The following HLA-G variants were observed in gnomAD, a reference collection of about 807,000 sequenced individuals.
HLA-G encodes major histocompatibility complex, class I, G, also known as HLA class I histocompatibility antigen, alpha chain G.
In HLA-G, 34 loss-of-function variants were observed where a neutral mutation model predicts 39.3. That is an observed-to-expected ratio of 0.86 (90% CI 0.66 to 1.15). HLA-G has a LOEUF of 1.15. HLA-G is among the 50% of genes most tolerant of loss of function. The pLI, the probability that HLA-G is intolerant of heterozygous loss-of-function variation, is 0.00. For synonymous variants in HLA-G, 183 were observed against 185.8 expected (o/e 0.99, Z 0.12); for missense variants, 419 against 456.4 (o/e 0.92, Z 0.75).
Position 29,829,902 on chromosome 6 carries a change from G to T in HLA-G, c.982G>T (p.Ala328Ser). 1 of 1,613,700 alleles carries T rather than the reference G, an allele frequency of 6.2e-7. No individual in the cohort carries two copies. The highest frequency in any genetic ancestry group is 8.5e-7 in the Non-Finnish European group (1 of 1,179,708). ...LAAVVTGAAV[A>S]AVLWRKKSSD ...AGCTGTAGTCACTGGAGCTGCGGTC[G>T]CTGCTGTGCTGTGGAGAAAGAAGAG... The change falls in exon 5 of 7, where the codon GCT becomes TCT. Residue 328 changes from alanine (A) to serine (S), a missense_variant. Coordinates refer to ENST00000360323, the MANE Select transcript of HLA-G (RefSeq NM_001384290.1).
chr6:29,827,386 T>G (rs1479634520), upstream of HLA-G: 2 of 352,732 alleles, frequency 5.7e-6, no homozygotes, highest in African/African-American at 4.3e-5. Flanking sequence ...ATTTTTCTTC[T>G]AGAAGAGTAC....
chr6:29,828,951 C>T (rs1412930711), intron 3 of HLA-G, 133 bp downstream of exon 3: 5 of 1,221,182 alleles, frequency 4.1e-6, no homozygotes, highest in Non-Finnish European at 5.9e-6. Context: ...AGGAATCCTC[C>T]TGGGTTTCCA....
At position 29,828,081 on chromosome 6, in the gene HLA-G, G is replaced by T. The variant is rs557839953; in HGVS notation, c.108G>T (p.Val36=). 33 of 1,612,080 alleles carry T rather than the reference G, an allele frequency of 2.0e-5. No homozygotes were observed. Among genetic ancestry groups the T allele is most frequent in the Non-Finnish European group, 2.6e-5 (31 of 1,179,614 alleles). Residue 36 remains valine, a synonymous_variant, in exon 2 of 7, where the codon GTG becomes GTT. Transcript: ENST00000360323. ...SHSMRYFSAA[V]SRPGRGEPRF... is the part of the protein sequence containing the mutation. ...CCATGAGGTATTTCAGCGCCGCCGT[G>T]TCCCGGCCCGGCCGCGGGGAGCCCC...
At position 29,829,672 on chromosome 6, in the gene HLA-G, G is replaced by A. The variant is rs1761093934; in HGVS notation, c.874G>A (p.Glu292Lys). ...CCATGTGCAGCATGAGGGGCTGCCG[G>A]AGCCCCTCATGCTGAGATGGAGTAA... ...TCHVQHEGLPEPLMLRWKQSS... is the reference protein window; with the variant it reads ...TCHVQHEGLPKPLMLRWKQSS... The change falls in exon 4 of 7, where the codon GAG (glutamate) becomes AAG (lysine). Residue 292 changes from glutamate (E) to lysine (K), a missense_variant. Coordinates refer to ENST00000360323, the MANE Select transcript of HLA-G (RefSeq NM_001384290.1). 15 of 1,613,066 alleles carry A rather than the reference G, an allele frequency of 9.3e-6. No homozygotes were observed. Among genetic ancestry groups the A allele is most frequent in the Non-Finnish European group, 1.3e-5 (15 of 1,179,508 alleles).
upstream of HLA-G, chr6:29,827,464 G>T (rs1480982810): frequency 5.6e-6 from 2 of 359,918 alleles, no homozygotes. Context: ...GATGAAAAGT[G>T]AAGGGAGAGG....
At chr6:29,827,635 G>T, upstream of HLA-G, 2 of 623,428 alleles carry the variant, frequency 3.2e-6, no homozygotes, top group Non-Finnish European at 5.9e-6. Context: ...CCCCACAGGC[G>T]GTGTATGGGT....
chr6:29,830,487 C>A, intron 6 of HLA-G, 77 bp downstream of exon 6: 1 of 1,242,658 alleles, frequency 8.0e-7, no homozygotes, highest in Non-Finnish European at 1.2e-6. Context: ...TCACCCACCC[C>A]ACAATTCCTC....
upstream of HLA-G, chr6:29,827,787 G>A (rs1168974003): frequency 2.6e-6 from 4 of 1,540,020 alleles, no homozygotes; most frequent in Admixed American, 5.0e-5. Flanking sequence ...CGTCGCCGCG[G>A]TCCTGGTTCT....
At chr6:29,827,446 G>A (rs866544668), upstream of HLA-G, 389 of 355,620 alleles carry the variant, frequency 1.1e-3, 5 homozygotes, top group Middle Eastern at 1.9e-3. Context: ...CAGGGACAGG[G>A]ATTCCGGGAT....
At position 29,828,644 on chromosome 6, in the gene HLA-G, G is replaced by A. The variant is rs536613482; in HGVS notation, c.445G>A (p.Ala149Thr). The part of the protein sequence containing the change: ...QYAYDGKDYL[A>T]LNEDLRSWTA... The stretch of plus-strand genomic sequence containing the variant: ...TGCCTACGATGGCAAGGATTACCTC[G>A]CCCTGAACGAGGACCTGCGCTCCTG... The change falls in exon 3 of 7, where the codon GCC becomes ACC. Residue 149 changes from alanine (A) to threonine (T), a missense_variant. By Grantham distance (58) the Ala-to-Thr change is moderately conservative. This residue lies in a region of HLA-G where 328 missense variants were observed against 323.0 expected (regional missense o/e 1.02). Transcript: ENST00000360323. 1.2e-6 allele frequency: 2 copies of A among 1,613,098 alleles called. No individual in the cohort carries two copies. Among genetic ancestry groups the A allele is most frequent in the East Asian group, 2.2e-5 (1 of 44,878 alleles).
upstream of HLA-G, chr6:29,827,114 T>C (rs1338746739): frequency 4.2e-6 from 2 of 481,002 alleles, no homozygotes; most frequent in South Asian, 1.5e-5. Flanking sequence ...AAGAGCTTTG[T>C]GAGTCGTGTT....
chr6:29,829,936 A>G lies in HLA-G; in HGVS notation c.1012+4A>G, dbSNP rs1761127540. On this transcript the variant is annotated splice_donor_region_variant and intron_variant, in intron 5 of 6. Transcript: ENST00000360323. ...CTGTGGAGAAAGAAGAGCTCAGGTA[A>G]GGAAGGGGTGACAAGTGGGGTCTGA... The G allele has an allele frequency of 6.3e-7, 1 of 1,597,110 alleles. No individual in the cohort carries two copies. Among genetic ancestry groups the G allele is most frequent in the East Asian group, 2.2e-5 (1 of 44,794 alleles).
chr6:29,828,488 G>T (rs17875401), intron 2 of HLA-G, 55 bp from the exon 3 acceptor site: 63,096 of 1,583,274 alleles, frequency 0.04, 1,717 homozygotes, highest in African/African-American at 0.1. Context: ...CCCGCGGGTG[G>T]GTCCGGGCGA....
Position 29,828,036 on chromosome 6 carries a change from C to T in HLA-G, c.74-11C>T. 3 of 1,609,198 alleles carry T rather than the reference C, an allele frequency of 1.9e-6. No homozygotes were observed. The highest frequency in any genetic ancestry group is 3.3e-5 in the Admixed American group (2 of 59,848). ...AGGGTCGGGCGGGTCTCAACCCCTC[C>T]TCGCCCCCAGGCTCCCACTCCATGA... On this transcript the variant is annotated splice_polypyrimidine_tract_variant and intron_variant, in intron 1 of 6. Coordinates refer to ENST00000360323, the MANE Select transcript of HLA-G (RefSeq NM_001384290.1).
At chr6:29,830,670 T>C (rs1210167615) in intron 6 of HLA-G, 98 bp from the exon 7 acceptor site, 1 of 647,088 alleles carries the variant, frequency 1.5e-6, no homozygotes, top group African/African-American at 1.8e-5. Context: ...TGCTATGAGG[T>C]TTCTTTGACT....
Position 29,829,675 on chromosome 6 carries a change from C to T in HLA-G, c.877C>T (p.Pro293Ser), listed in dbSNP as rs1379239345. The T allele has an allele frequency of 1.2e-6, 2 of 1,613,014 alleles. No homozygotes were observed. The highest frequency in any genetic ancestry group is 1.7e-5 in the Admixed American group (1 of 59,654). Residue 293 changes from proline (P) to serine (S), a missense_variant, in exon 4 of 7, where the codon CCC becomes TCC. Around this residue, in one of 2 missense-constraint regions of HLA-G, gnomAD observed 328 missense variants for 323.0 expected, o/e 1.02. Transcript: ENST00000360323. Reference sequence around the variant, plus strand: ...TGTGCAGCATGAGGGGCTGCCGGAGCCCCTCATGCTGAGATGGAGTAAGGA... The same window carrying T: ...TGTGCAGCATGAGGGGCTGCCGGAGTCCCTCATGCTGAGATGGAGTAAGGA... ...CHVQHEGLPE[P>S]LMLRWKQSSL...
At chr6:29,830,610 C>T (rs1254637762) in intron 6 of HLA-G, 158 bp from the exon 7 acceptor site, 10 of 737,614 alleles carry the variant, frequency 1.4e-5, no homozygotes, top group South Asian at 4.3e-5. Context: ...TGTGACACCC[C>T]GGGGGGCCTG....
chr6:29,830,352 T>C, intron 5 of HLA-G, 26 bp from the exon 6 acceptor site: 1 of 1,613,500 alleles, frequency 6.2e-7, no homozygotes, highest in Non-Finnish European at 8.5e-7. Flanking sequence ...CTTTCTGGCC[T>C]CTCACAGGAC....
At chr6:29,828,356 C>T (rs773460671) in intron 2 of HLA-G, 40 bp downstream of exon 2, 25 of 1,582,740 alleles carry the variant, frequency 1.6e-5, no homozygotes, top group Admixed American at 1.7e-5. Flanking sequence ...ACGACCCCCA[C>T]CTCCATGCCC....
Sources: allele counts gnomAD v4.1 joint callset, GRCh38; gene constraint gnomAD v4.1.1; regional missense constraint gnomAD v4.1.1; transcripts MANE v1.5; gene names NCBI Gene and HGNC (gene_info 2026-07-23, HGNC 2026-07-21).